The following PLCB4 variants were observed in gnomAD, a reference collection of about 807,000 sequenced individuals.
PLCB4 encodes the protein phospholipase C beta 4, also known as 1-phosphatidylinositol 4,5-bisphosphate phosphodiesterase beta-4.
A neutral mutation model predicts 178.8 loss-of-function variants in PLCB4; 77 were observed. The ratio of observed to expected loss-of-function variants is 0.43; its 90% confidence interval spans 0.36 to 0.52. The LOEUF (loss-of-function observed/expected upper bound fraction) is 0.52. Among genes scored for constraint, PLCB4 ranks in the 20% least tolerant of loss-of-function variants. PLCB4 has a pLI of 0.00. For missense variants in PLCB4, 1,024 were observed against 1,453.4 expected (o/e 0.70, Z 4.80); for synonymous variants, 496 against 490.8 (o/e 1.01, Z -0.14).
chr20:9,092,970 G>A (rs571857997), intron 1 of PLCB4, among the ~76,000 whole-genome samples: 1 of 152,080 alleles, frequency 6.6e-6, no homozygotes, highest in African/African-American at 2.4e-5. Context: ...CGCTATAAAT[G>A]TTGGCTAAAC....
chr20:9,362,854 A>G (rs934382998), intron 7 of PLCB4, 42 bp from the exon 8 acceptor site: 2 of 1,316,514 alleles, frequency 1.5e-6, no homozygotes, highest in Middle Eastern at 1.8e-4. Context: ...ATTTGACTCC[A>G]GCAGATTTGC....
At chr20:9,123,501 C>T (rs1179431471) in intron 2 of PLCB4, among the ~76,000 whole-genome samples, 1 of 151,406 alleles carries the variant, frequency 6.6e-6, no homozygotes, top group African/African-American at 2.4e-5. Context: ...AAGAGTGCCC[C>T]TTAAAGTTTA....
chr20:9,429,498 G>A (rs1229590116), intron 28 of PLCB4, among the ~76,000 whole-genome samples: 9 of 152,240 alleles, frequency 5.9e-5, no homozygotes, highest in African/African-American at 2.2e-4. Context: ...CAAAACTTTG[G>A]CCAAGAATAT....
chr20:9,354,314 A>T (rs1401389104), intron 7 of PLCB4, among the ~76,000 whole-genome samples: 2 of 152,268 alleles, frequency 1.3e-5, no homozygotes, highest in Admixed American at 1.3e-4. Context: ...ATCAATCATT[A>T]TATATAAATT....
intron 7 of PLCB4, among the ~76,000 whole-genome samples, chr20:9,346,552 G>A (rs2033814005): frequency 3.3e-5 from 5 of 152,092 alleles, no homozygotes; most frequent in Admixed American, 2.6e-4. Flanking sequence ...TGAGTGTGTA[G>A]GTCTCTGTGT....
At chr20:9,403,731 A>G (rs899453407) in intron 20 of PLCB4, among the ~76,000 whole-genome samples, 1 of 152,256 alleles carries the variant, frequency 6.6e-6, no homozygotes, top group Non-Finnish European at 1.5e-5. Flanking sequence ...TGATTGGCAC[A>G]TGAGTAGGTT....
chr20:9,178,252 C>T lies in PLCB4; in HGVS notation c.-78-39138C>T, dbSNP rs191651186. Among the ~76,000 whole-genome samples the T allele has an allele frequency of 6.6e-5, 10 of 152,196 alleles. No individual in the cohort carries two copies. In the East Asian group the frequency reaches 9.6e-4, roughly 15 times the overall value. On this transcript the variant is annotated intron_variant, in intron 2 of 39. Transcript: ENST00000378473. ...AGGAGAATTGCTTGAATCTGGGAGG[C>T]GGAGGTTGCAGTGAGCTGAGATTGC...
intron 3 of PLCB4, among the ~76,000 whole-genome samples, chr20:9,241,216 A>T (rs2147413861): frequency 6.6e-6 from 1 of 152,272 alleles, no homozygotes; most frequent in East Asian, 1.9e-4. Context: ...TAATGATTTT[A>T]TGGCTGGGGT....
At position 9,423,838 on chromosome 20, in the gene PLCB4, C is replaced by T; in HGVS notation, c.2410C>T (p.Leu804Phe). The change falls in exon 28 of 40, where the codon CTC becomes TTC. Residue 804 changes from leucine (L) to phenylalanine (F), a missense_variant. Coordinates refer to ENST00000378473, the MANE Select transcript of PLCB4 (RefSeq NM_001377142.1). ...IGQRILPLDG[L>F]QAGYRHISLR... ...CCAGAGGATCCTCCCGCTTGATGGC[C>T]TCCAAGCCGGATATCGACACATTTC... is the stretch of plus-strand genomic sequence containing the variant. The T allele has an allele frequency of 1.2e-6, 2 of 1,613,900 alleles. No individual in the cohort carries two copies. The highest frequency in any genetic ancestry group is 1.7e-6 in the Non-Finnish European group (2 of 1,179,840).
intron 4 of PLCB4, among the ~76,000 whole-genome samples, chr20:9,335,242 C>T (rs1253111091): frequency 1.3e-5 from 2 of 152,150 alleles, no homozygotes; most frequent in East Asian, 1.9e-4. Context: ...AACATAAGAC[C>T]CGCCATGGCC....
chr20:9,091,775 A>C (rs190615162), intron 1 of PLCB4, among the ~76,000 whole-genome samples: 1 of 152,018 alleles, frequency 6.6e-6, no homozygotes, highest in Non-Finnish European at 1.5e-5. Context: ...CATTAAATAC[A>C]CAATTATTTC....
At chr20:9,310,604 TGGGAGGCTGAG>T (rs2094821224) in intron 4 of PLCB4, among the ~76,000 whole-genome samples, 1 of 151,588 alleles carries the variant, frequency 6.6e-6, no homozygotes, top group South Asian at 2.1e-4. Flanking sequence ...CCCAGCTACT[TGGGAGGCTGAG>T]GCAGGAGAAT....
intron 2 of PLCB4, among the ~76,000 whole-genome samples, chr20:9,113,378 C>A (rs548256616): frequency 1.2e-3 from 181 of 152,300 alleles, no homozygotes; most frequent in African/African-American, 4.2e-3. Context: ...GGGAACTTCA[C>A]ATTCTGATTG....
chr20:9,458,247 G>A (rs565218966), intron 34 of PLCB4, among the ~76,000 whole-genome samples: 1 of 152,308 alleles, frequency 6.6e-6, no homozygotes, highest in Non-Finnish European at 1.5e-5. Context: ...TGTTCAAGAT[G>A]TTCTTGGTAG....
At chr20:9,340,276 C>T (rs1271111777) in intron 7 of PLCB4, among the ~76,000 whole-genome samples, 2 of 152,108 alleles carry the variant, frequency 1.3e-5, no homozygotes, top group African/African-American at 4.8e-5. Flanking sequence ...ACCCCTAAAC[C>T]ATCCAAGCTC....
At chr20:9,279,866 T>C (rs1245774085) in intron 3 of PLCB4, among the ~76,000 whole-genome samples, 1 of 152,036 alleles carries the variant, frequency 6.6e-6, no homozygotes, top group Non-Finnish European at 1.5e-5. Flanking sequence ...AAAATAATAC[T>C]ACCAGCACCT....
chr20:9,477,655 T>C (rs928494312), intron 39 of PLCB4, among the ~76,000 whole-genome samples: 1 of 152,200 alleles, frequency 6.6e-6, no homozygotes, highest in Non-Finnish European at 1.5e-5. Context: ...TACTATACTT[T>C]AGGCATAAAA....
intron 2 of PLCB4, among the ~76,000 whole-genome samples, chr20:9,195,659 A>G (rs948863778): frequency 3.3e-5 from 5 of 152,078 alleles, no homozygotes; most frequent in African/African-American, 7.2e-5. Context: ...GATCCCATCA[A>G]TCCTCCTGAC....
At chr20:9,118,239 A>G (rs2091847689) in intron 2 of PLCB4, among the ~76,000 whole-genome samples, 1 of 116,874 alleles carries the variant, frequency 8.6e-6, no homozygotes, top group African/African-American at 3.3e-5. Context: ...ACCCCACCAC[A>G]GTCCCCAGAG....
Sources: gnomAD v4.1 joint callset for allele counts (sites outside exome capture counted in the v4.1 genomes callset) on GRCh38, gnomAD v4.1.1 for gene constraint, MANE v1.5 for transcripts, NCBI Gene and HGNC (gene_info 2026-07-23, HGNC 2026-07-21) for gene names.